The following MAP4 variants were observed in gnomAD, a reference collection of about 807,000 sequenced individuals.
MAP4 encodes microtubule-associated protein 4.
Under a neutral mutation model 170.2 loss-of-function variants are expected in MAP4, and 76 were observed. The ratio of observed to expected loss-of-function variants is 0.45; its 90% CI spans 0.37 to 0.54. The LOEUF (loss-of-function observed/expected upper bound fraction) is 0.54. Among genes scored for constraint, MAP4 ranks in the 20% least tolerant of loss-of-function variants. The pLI, the probability that MAP4 is intolerant of heterozygous loss-of-function variation, is 0.00. For missense variants in MAP4, 2,506 were observed against 2,748.0 expected (o/e 0.91, Z 1.97); for synonymous variants, 909 against 994.5 (o/e 0.91, Z 1.62).
At chr3:47,986,894 C>T (rs2100089080) in intron 2 of MAP4, among the ~76,000 whole-genome samples, 2 of 152,144 alleles carry the variant, frequency 1.3e-5, no homozygotes, top group Non-Finnish European at 1.5e-5. Context: ...TAAATATCTA[C>T]CATTTTGGAG....
intron 1 of MAP4, among the ~76,000 whole-genome samples, chr3:48,060,624 T>C (rs1451719768): frequency 6.6e-6 from 1 of 151,698 alleles, no homozygotes; most frequent in Non-Finnish European, 1.5e-5. Flanking sequence ...GTATCCAAAA[T>C]ATACAGAGGC....
At chr3:47,897,838 A>T (rs574586120) in intron 10 of MAP4, among the ~76,000 whole-genome samples, 1 of 150,616 alleles carries the variant, frequency 6.6e-6, no homozygotes, top group South Asian at 2.1e-4. Flanking sequence ...GCTACTCGGG[A>T]GTCTGAGGCA....
intron 9 of MAP4, among the ~76,000 whole-genome samples, chr3:47,908,384 C>A (rs2100034260): frequency 6.6e-6 from 1 of 152,274 alleles, no homozygotes; most frequent in South Asian, 2.1e-4. Context: ...GCCCAAAACT[C>A]AAACCCACAT....
chr3:47,968,175 C>G (rs2100076259), intron 3 of MAP4, among the ~76,000 whole-genome samples: 1 of 152,178 alleles, frequency 6.6e-6, no homozygotes. Context: ...TTGTTGGATA[C>G]TGCAATACCT....
intron 15 of MAP4, among the ~76,000 whole-genome samples, chr3:47,869,835 T>C (rs2088081202): frequency 6.6e-6 from 1 of 151,966 alleles, no homozygotes; most frequent in African/African-American, 2.4e-5. Context: ...TTTTGCACCA[T>C]GAAACCATAA....
intron 1 of MAP4, among the ~76,000 whole-genome samples, chr3:48,087,745 GCACACACA>G (rs1171639123): frequency 1.1e-3 from 112 of 105,674 alleles, no homozygotes; most frequent in Middle Eastern, 4.7e-3. Flanking sequence ...ACACGCACGC[GCACACACA>G]CACACACACA....
At chr3:47,922,668 T>A (rs927076287) in intron 4 of MAP4, among the ~76,000 whole-genome samples, 1 of 152,094 alleles carries the variant, frequency 6.6e-6, no homozygotes, top group Non-Finnish European at 1.5e-5. Flanking sequence ...ATTGTTATCC[T>A]AACAGAAGAA....
intron 1 of MAP4, among the ~76,000 whole-genome samples, chr3:48,057,454 C>T (rs1192269206): frequency 6.8e-4 from 88 of 129,496 alleles, no homozygotes; most frequent in Non-Finnish European, 9.9e-4. Flanking sequence ...TCTCAAGTAA[C>T]CAGGGACACA....
chr3:47,972,486 C>T (rs1411819590), intron 3 of MAP4, among the ~76,000 whole-genome samples: 1 of 152,206 alleles, frequency 6.6e-6, no homozygotes. Context: ...TTCTTCACAC[C>T]TTTCTGTCAA....
At chr3:47,952,881 ACC>A (rs1251224372) in intron 3 of MAP4, among the ~76,000 whole-genome samples, 11 of 151,924 alleles carry the variant, frequency 7.2e-5, no homozygotes, top group Non-Finnish European at 1.0e-4. Context: ...CCGAGATCGC[ACC>A]ATTACACTCT....
chr3:47,996,313 T>C (rs1441280258), intron 2 of MAP4, among the ~76,000 whole-genome samples: 1 of 152,058 alleles, frequency 6.6e-6, no homozygotes, highest in Non-Finnish European at 1.5e-5. Context: ...ACGCTACTAC[T>C]GTGAAAAGGA....
Position 47,852,851 on chromosome 3 carries a change from G to C in MAP4, c.*83C>G, listed in dbSNP as rs1326359392. 2 of 1,561,772 alleles carry C rather than the reference G, an allele frequency of 1.3e-6. No homozygotes were observed. The highest frequency in any genetic ancestry group is 1.7e-6 in the Non-Finnish European group (2 of 1,152,924). On this transcript the variant is annotated 3_prime_UTR_variant, in exon 21 of 21. Coordinates refer to ENST00000683076, the MANE Select transcript of MAP4 (RefSeq NM_001385682.1). ...CGGGAGCCCGAGTTGGGGCCGCCAGGGAAGTGTGGGGGGCGGGAGACAATG... is the reference window on the plus strand; with the variant it reads ...CGGGAGCCCGAGTTGGGGCCGCCAGCGAAGTGTGGGGGGCGGGAGACAATG...
chr3:47,989,722 T>C (rs2100090968), intron 2 of MAP4, among the ~76,000 whole-genome samples: 1 of 152,134 alleles, frequency 6.6e-6, no homozygotes, highest in Non-Finnish European at 1.5e-5. Flanking sequence ...AAAAAAGGCT[T>C]GTATATTTCC....
chr3:47,966,228 C>CTTTTTTTTTTTTTTTT (rs757460367), intron 3 of MAP4, among the ~76,000 whole-genome samples: 3 of 50,220 alleles, frequency 6.0e-5, no homozygotes, highest in African/African-American at 1.5e-4. Flanking sequence ...CCCACACTAC[C>CTTTTTTTTTTTTTTTT]TTTTTTTTTT....
intron 3 of MAP4, among the ~76,000 whole-genome samples, chr3:47,969,423 G>GGA (rs2100077186): frequency 6.9e-6 from 1 of 145,548 alleles, no homozygotes; most frequent in African/African-American, 2.5e-5. Flanking sequence ...CGCGGGGAGA[G>GGA]AAAAAAAAAA....
chr3:48,013,904 C>A (rs1422064412), intron 1 of MAP4, among the ~76,000 whole-genome samples: 1 of 152,114 alleles, frequency 6.6e-6, no homozygotes, highest in Admixed American at 6.6e-5. Context: ...AGGGAACACA[C>A]AGTTTTCAAG....
At chr3:47,903,271 C>T (rs923270814) in intron 9 of MAP4, among the ~76,000 whole-genome samples, 1 of 152,156 alleles carries the variant, frequency 6.6e-6, no homozygotes, top group African/African-American at 2.4e-5. Context: ...CGGTGGCTCA[C>T]CCTTGTAATC....
At chr3:47,876,161 T>C (rs1257136244) in intron 11 of MAP4, among the ~76,000 whole-genome samples, 2 of 144,684 alleles carry the variant, frequency 1.4e-5, no homozygotes, top group African/African-American at 2.5e-5. Context: ...TGAGATGGAG[T>C]CTCTCTCTGT....
At chr3:48,025,475 G>C (rs924437467) in intron 1 of MAP4, among the ~76,000 whole-genome samples, 4 of 151,760 alleles carry the variant, frequency 2.6e-5, no homozygotes, top group African/African-American at 4.8e-5. Context: ...TATTAGTAGA[G>C]ACGGGTTTTC....
Sources: allele counts gnomAD v4.1 joint callset (sites outside exome capture counted in the v4.1 genomes callset), GRCh38; gene constraint gnomAD v4.1.1; transcripts MANE v1.5; gene names NCBI Gene and HGNC (gene_info 2026-07-23, HGNC 2026-07-21).